Variants in RNF220 observed in about 807,000 individuals in gnomAD.
RNF220 encodes E3 ubiquitin-protein ligase RNF220.
Under a neutral mutation model 67.1 loss-of-function variants are expected in RNF220, and 7 were observed. The observed-to-expected ratio is 0.10, with a 90% CI of 0.06 to 0.20. The LOEUF is 0.20. Among genes scored for constraint, RNF220 ranks in the 10% least tolerant of loss-of-function variants. The pLI is 1.00. For missense variants in RNF220, 565 were observed against 740.3 expected, an observed-to-expected ratio of 0.76 and a Z score of 2.75; for synonymous variants, 270 against 283.2, an observed-to-expected ratio of 0.95 and a Z score of 0.47.
chr1:44,575,332 T>C (rs972508206), intron 2 of RNF220, among the ~76,000 whole-genome samples: 2 of 152,210 alleles, frequency 1.3e-5, no homozygotes, highest in African/African-American at 4.8e-5. Flanking sequence ...TCCATCCATG[T>C]TGCTGAAAAT....
chr1:44,554,179 GC>G (rs910368508), intron 2 of RNF220, among the ~76,000 whole-genome samples: 3 of 152,154 alleles, frequency 2.0e-5, no homozygotes, highest in African/African-American at 4.8e-5. Flanking sequence ...TCTGGCCCCT[GC>G]CCCCAGGAAT....
In RNF220 at chr1:44,543,032, G is replaced by T. The variant is rs374820559; in HGVS notation, c.626-71133G>T. 4.6e-5 allele frequency among the ~76,000 whole-genome samples: 7 copies of T among 152,324 alleles called. No individual in the cohort carries two copies. In the East Asian group the frequency reaches 1.4e-3, roughly 29 times the overall value. On this transcript the variant is annotated intron_variant, in intron 2 of 14. Coordinates refer to ENST00000361799, the MANE Select transcript of RNF220 (RefSeq NM_018150.4). ...CGGTGAGCCCAGGCGCCTGCCACCG[G>T]CTGGCCAAGGCTCTGCCTGGAGACC...
rs762395497 is a variant in RNF220 at position 44,412,636 on chromosome 1, A to G, written c.539A>G (p.Asp180Gly). 1 of 1,614,196 alleles carries G rather than the reference A, an allele frequency of 6.2e-7. No homozygotes were observed. Among genetic ancestry groups the G allele is most frequent in the Admixed American group, 1.7e-5 (1 of 60,032 alleles). The change falls in exon 2 of 15, where the codon GAT becomes GGT. Residue 180 changes from aspartate to glycine, a missense_variant. Transcript: ENST00000361799. This position sits in a 1 kb window ranked among gnomAD's most constrained non-coding sequence, Gnocchi z 5.3. Reference sequence around the variant, plus strand: ...AGCTCCCCCGGTTCACTAAAGGTTGATGACACTGGGAAGAAGATTTTTGCT... The same window carrying G: ...AGCTCCCCCGGTTCACTAAAGGTTGGTGACACTGGGAAGAAGATTTTTGCT... ...PSSSPGSLKV[D>G]DTGKKIFAVS... is the part of the protein sequence containing the mutation.
chr1:44,598,469 G>T lies in RNF220; in HGVS notation c.626-15696G>T, dbSNP rs530210957. Among the ~76,000 whole-genome samples, 42 of 152,318 alleles carry T rather than the reference G, an allele frequency of 2.8e-4. No individual in the cohort carries two copies. In the South Asian group the frequency reaches 5.4e-3, roughly 20 times the overall value. ...AAATAAATCTCCTCCAGTCAGAGAA[G>T]CCCAGGGCACTAAATCCCACACGCC... On this transcript the variant is annotated intron_variant, in intron 2 of 14. Coordinates refer to ENST00000361799, the MANE Select transcript of RNF220 (RefSeq NM_018150.4).
intron 2 of RNF220, among the ~76,000 whole-genome samples, chr1:44,543,757 A>G (rs60853517): frequency 0.045 from 6,810 of 152,150 alleles, 235 homozygotes; most frequent in South Asian, 0.11. Flanking sequence ...CCAGAACCCC[A>G]AAAGCTGGGT....
chr1:44,452,383 G>A (rs565271197), intron 2 of RNF220, among the ~76,000 whole-genome samples: 2 of 150,954 alleles, frequency 1.3e-5, no homozygotes, highest in South Asian at 2.2e-4. Context: ...GTGAAACCCC[G>A]TCTCTACTAA....
At chr1:44,457,994 C>G (rs1034381865) in intron 2 of RNF220, among the ~76,000 whole-genome samples, 1 of 152,076 alleles carries the variant, frequency 6.6e-6, no homozygotes, top group Admixed American at 6.6e-5. Flanking sequence ...TGATGGCTCA[C>G]GCCTGTAATC....
At chr1:44,617,697 C>A (rs992341578) in intron 3 of RNF220, among the ~76,000 whole-genome samples, 7 of 152,236 alleles carry the variant, frequency 4.6e-5, no homozygotes, top group Non-Finnish European at 1.0e-4. Flanking sequence ...ACCATCAGCT[C>A]CCTGAGCAGA....
rs1644732270 is a variant in RNF220, at chr1:44,649,435, G to A, written c.1446-226G>A. The A allele has an allele frequency of 1.7e-6, 1 of 581,262 alleles. No individual in the cohort carries two copies. The highest frequency in any genetic ancestry group is 3.0e-5 in the Admixed American group (1 of 32,922). 36.0% of individuals were successfully genotyped at this position (581,262 alleles called of 1,614,324 possible). On this transcript the variant is annotated intron_variant, in intron 12 of 14. Coordinates refer to ENST00000361799, the MANE Select transcript of RNF220 (RefSeq NM_018150.4). The surrounding 1 kb of genome is among the most constrained non-coding windows in gnomAD (Gnocchi z 5.9). Reference sequence around the variant, plus strand: ...AGGAGTGGTTGAAAATGGTTCCCTGGTATCTGGTGTAGAAATTCATCCGAA... The same window carrying A: ...AGGAGTGGTTGAAAATGGTTCCCTGATATCTGGTGTAGAAATTCATCCGAA...
At chr1:44,442,238 G>T (rs1651630690) in intron 2 of RNF220, among the ~76,000 whole-genome samples, 1 of 151,950 alleles carries the variant, frequency 6.6e-6, no homozygotes, top group African/African-American at 2.4e-5. Flanking sequence ...AACTCCCTAG[G>T]CTTAGGTGAT....
intron 2 of RNF220, among the ~76,000 whole-genome samples, chr1:44,507,528 C>T (rs934020849): frequency 2.0e-5 from 3 of 151,130 alleles, no homozygotes; most frequent in African/African-American, 4.9e-5. Flanking sequence ...TGGGGTTGGT[C>T]GGGGTAATCC....
At chr1:44,607,702 G>T (rs1350241914) in intron 2 of RNF220, among the ~76,000 whole-genome samples, 1 of 151,642 alleles carries the variant, frequency 6.6e-6, no homozygotes, top group Non-Finnish European at 1.5e-5. Flanking sequence ...TGTTAGCCAG[G>T]ATGGTCTCGA....
At chr1:44,639,180 A>G (rs1644416938) in intron 8 of RNF220, among the ~76,000 whole-genome samples, 1 of 152,222 alleles carries the variant, frequency 6.6e-6, no homozygotes, top group African/African-American at 2.4e-5. Flanking sequence ...CTAACTATAC[A>G]GCCCTTAAGA....
chr1:44,506,287 G>T (rs1218029667), intron 2 of RNF220, among the ~76,000 whole-genome samples: 2 of 152,240 alleles, frequency 1.3e-5, no homozygotes, highest in Admixed American at 1.3e-4. Context: ...AGGGGTGAAG[G>T]GGGCAGAGTC....
Position 44,645,725 on chromosome 1 carries a change from G to A in RNF220, c.1445+237G>A, listed in dbSNP as rs1003745624. Among the ~76,000 whole-genome samples the A allele has an allele frequency of 6.6e-6, 1 of 152,196 alleles. No individual in the cohort carries two copies. Among genetic ancestry groups the A allele is most frequent in the African/African-American group, 2.4e-5 (1 of 41,446 alleles). On this transcript the variant is annotated intron_variant, in intron 12 of 14. Coordinates refer to ENST00000361799, the MANE Select transcript of RNF220 (RefSeq NM_018150.4). The surrounding 1 kb of genome is among the most constrained non-coding windows in gnomAD (Gnocchi z 5.0). The stretch of plus-strand genomic sequence containing the variant: ...GGTGGGAGGAGCAGTCCACCCGCCT[G>A]CCTGCCTGCCTGCCCGCCTGCTGCG...
Position 44,412,074 on chromosome 1 carries a change from C to T in RNF220, c.-24C>T. ...CCAGGGAAGACTGCTTCTTGCGTAA[C>T]GCCGGCCACAGAAAGAGACTCCGAT... On this transcript the variant is annotated 5_prime_UTR_variant, in exon 2 of 15. In the 5' UTR this introduces an upstream ATG that the reference lacks. Transcript: ENST00000361799. This position sits in a 1 kb window ranked among gnomAD's most constrained non-coding sequence, Gnocchi z 5.3. 3.1e-6 allele frequency: 5 copies of T among 1,589,214 alleles called. No individual in the cohort carries two copies. Among genetic ancestry groups the T allele is most frequent in the Non-Finnish European group, 3.4e-6 (4 of 1,165,778 alleles).
At chr1:44,619,089 G>A (rs892326113) in intron 3 of RNF220, among the ~76,000 whole-genome samples, 1 of 152,048 alleles carries the variant, frequency 6.6e-6, no homozygotes, top group Non-Finnish European at 1.5e-5. Context: ...TGAAGGGCGG[G>A]GGTGGAGGAA....
chr1:44,473,508 C>T (rs1004074208), intron 2 of RNF220, among the ~76,000 whole-genome samples: 31 of 120,908 alleles, frequency 2.6e-4, no homozygotes, highest in Admixed American at 1.4e-3. Context: ...GGGGGCGGGG[C>T]GGGTCTCAGA....
At chr1:44,521,395 CA>C (rs546546352) in intron 2 of RNF220, among the ~76,000 whole-genome samples, 1 of 152,138 alleles carries the variant, frequency 6.6e-6, no homozygotes, top group South Asian at 2.1e-4. Context: ...CATGGGATGA[CA>C]AATTTTAAAC....
Sources: allele counts gnomAD v4.1 joint callset (sites outside exome capture counted in the v4.1 genomes callset), GRCh38; gene constraint gnomAD v4.1.1; non-coding constraint Gnocchi (gnomAD v3.1); transcripts MANE v1.5; gene names NCBI Gene and HGNC (gene_info 2026-07-23, HGNC 2026-07-21).